The following ATP1A1 variants were observed in gnomAD, a reference collection of about 807,000 sequenced individuals.
The protein encoded by ATP1A1 is ATPase Na+/K+ transporting subunit alpha 1.
ATP1A1 carries 14 observed loss-of-function variants against 114.8 expected under a neutral mutation model. The ratio of observed to expected loss-of-function variants is 0.12; its 90% confidence interval spans 0.08 to 0.19. The LOEUF (loss-of-function observed/expected upper bound fraction) is 0.19. Ranked by LOEUF, ATP1A1 falls within the 10% of genes least tolerant of loss-of-function variation. ATP1A1 has a pLI of 1.00. For missense variants in ATP1A1, 524 were observed against 1,290.7 expected (o/e 0.41, Z 9.10); for synonymous variants, 471 against 466.3 (o/e 1.01, Z -0.13).
chr1:116,404,738 T>C lies in ATP1A1; in HGVS notation c.*294T>C. The stretch of plus-strand genomic sequence containing the variant: ...AGACTGAAAGAATACATTTTATATC[T>C]GGATTTTTACAAATAAAGATGGCTA... On this transcript the variant is annotated 3_prime_UTR_variant, in exon 23 of 23. Transcript: ENST00000295598. The surrounding 1 kb of genome is among the most constrained non-coding windows in gnomAD (Gnocchi z 4.8). 8.4e-7 allele frequency: 1 copy of C among 1,189,610 alleles called. No homozygotes were observed. Among genetic ancestry groups the C allele is most frequent in the Non-Finnish European group, 1.0e-6 (1 of 962,796 alleles). 73.7% of individuals were successfully genotyped at this position (1,189,610 alleles called of 1,614,324 possible). A position where few individuals can be genotyped will look rare whatever the true frequency, so the allele number is the denominator to read the frequency against.
chr1:116,384,963 G>T lies in ATP1A1; in HGVS notation c.183+121G>T, dbSNP rs529726344. On this transcript the variant is annotated intron_variant, in intron 3 of 22. Transcript: ENST00000295598. The surrounding 1 kb of genome is among the most constrained non-coding windows in gnomAD (Gnocchi z 5.1). ...TAAGAAAATGACAGACACCATCTGC[G>T]TATCTACCATGTGACATGCACAGAA... is the stretch of plus-strand genomic sequence containing the variant. 176 of 929,870 alleles carry T rather than the reference G, an allele frequency of 1.9e-4. 1 individual carries two copies. Among genetic ancestry groups the T allele is most frequent in the East Asian group, 2.8e-4 (11 of 38,898 alleles). The allele number at this position is 929,870 out of a possible 1,614,324, so 57.6% of individuals were successfully genotyped here.
chr1:116,384,729 CA>C lies in ATP1A1; in HGVS notation c.124-53del, dbSNP rs1338851682. 9.6e-6 allele frequency: 14 copies of C among 1,463,186 alleles called. No homozygotes were observed. The African/African-American group carries it at 1.6e-4, about 17-fold the overall frequency. The allele number at this position is 1,463,186 out of a possible 1,614,324, so 90.6% of individuals were successfully genotyped here. On this transcript the variant is annotated intron_variant, in intron 2 of 22. Coordinates refer to ENST00000295598, the MANE Select transcript of ATP1A1 (RefSeq NM_000701.8). This position sits in a 1 kb window ranked among gnomAD's most constrained non-coding sequence, Gnocchi z 5.1. ...TAATGAATAATGCTATTTTTTCTGT[CA>C]TTTTTTTATACTACACTGTTTAACT...
intron 1 of ATP1A1, among the ~76,000 whole-genome samples, chr1:116,376,433 C>T (rs1377470498): frequency 6.6e-6 from 1 of 152,184 alleles, no homozygotes; most frequent in Non-Finnish European, 1.5e-5. Flanking sequence ...GCAGATGCCT[C>T]AGAGTGGAAA....
Position 116,393,761 on chromosome 1 carries a change from T to C in ATP1A1, c.1660+38T>C, listed in dbSNP as rs562898359. The C allele has an allele frequency of 3.7e-4, 587 of 1,585,558 alleles. No homozygotes were observed. The highest frequency in any genetic ancestry group is 4.8e-4 in the Non-Finnish European group (562 of 1,164,002). The stretch of plus-strand genomic sequence containing the variant: ...CCTGGTAACAGAGTGCCTGGGCACG[T>C]TTTTATCCAGTAACCTAGTCTGGTA... On this transcript the variant is annotated intron_variant, in intron 12 of 22. Coordinates refer to ENST00000295598, the MANE Select transcript of ATP1A1 (RefSeq NM_000701.8). The surrounding 1 kb of genome is among the most constrained non-coding windows in gnomAD (Gnocchi z 5.0).
intron 1 of ATP1A1, among the ~76,000 whole-genome samples, chr1:116,374,810 G>T (rs1651252542): frequency 6.6e-6 from 1 of 152,230 alleles, no homozygotes; most frequent in Admixed American, 6.5e-5. Flanking sequence ...AGGCTTCTGG[G>T]TGTAGACAGA....
Position 116,385,141 on chromosome 1 carries a change from TTGA to T in ATP1A1, c.183+304_183+306del. On this transcript the variant is annotated intron_variant, in intron 3 of 22. Coordinates refer to ENST00000295598, the MANE Select transcript of ATP1A1 (RefSeq NM_000701.8). The surrounding 1 kb of genome is among the most constrained non-coding windows in gnomAD (Gnocchi z 4.3). ...AAAGCCATGCTTATGCCTTGACCTTTTGATGATAAATTTTCCCTTTATTTTTCT... is the reference window on the plus strand; with the variant it reads ...AAAGCCATGCTTATGCCTTGACCTTTTGATAAATTTTCCCTTTATTTTTCT... 2 of 336,038 alleles carry T rather than the reference TTGA, an allele frequency of 6.0e-6. No individual in the cohort carries two copies. The highest frequency in any genetic ancestry group is 6.8e-5 in the South Asian group (2 of 29,472). The allele number at this position is 336,038 out of a possible 1,614,324, so 20.8% of individuals were successfully genotyped here.
rs754768165 is a variant in ATP1A1 at position 116,389,039 on chromosome 1, T to G, written c.754+20T>G. The G allele has an allele frequency of 1.9e-6, 3 of 1,593,308 alleles. No individual in the cohort carries two copies. On this transcript the variant is annotated intron_variant, in intron 7 of 22. Transcript: ENST00000295598. The surrounding 1 kb of genome is among the most constrained non-coding windows in gnomAD (Gnocchi z 6.9). ...TTGAAGGTAGGCCATTTTTGGGCAC[T>G]TTGAGCATGGCGTGGTATTTCTCTT...
In ATP1A1 at chr1:116,399,458, T is replaced by C. The variant is rs766077481; in HGVS notation, c.2487T>C (p.Ser829=). 12 of 1,613,920 alleles carry C rather than the reference T, an allele frequency of 7.4e-6. No individual in the cohort carries two copies. The highest frequency in any genetic ancestry group is 8.5e-6 in the Non-Finnish European group (10 of 1,179,974). The change falls in exon 18 of 23, where the codon AGT becomes AGC. Residue 829 remains serine, a synonymous_variant. Transcript: ENST00000295598. The surrounding 1 kb of genome is among the most constrained non-coding windows in gnomAD (Gnocchi z 5.0). ...AISLAYEQAE[S]DIMKRQPRNP... ...CCCTGGCTTATGAGCAGGCTGAGAG[T>C]GACATCATGAAGAGACAGCCCAGAA...
chr1:116,384,564 CACTCAGCTTTAGCCA>C lies in ATP1A1; in HGVS notation c.124-218_124-204del, dbSNP rs1299491971. Among the ~76,000 whole-genome samples, 2 of 152,166 alleles carry C rather than the reference CACTCAGCTTTAGCCA, an allele frequency of 1.3e-5. No individual in the cohort carries two copies. The highest frequency in any genetic ancestry group is 2.9e-5 in the Non-Finnish European group (2 of 68,038). Reference sequence around the variant, plus strand: ...ATGGCAAATAGTAATGGGCCACGGTCACTCAGCTTTAGCCATTCTCCAGTGAAGAGCTGTCAATGA... The same window carrying C: ...ATGGCAAATAGTAATGGGCCACGGTCTTCTCCAGTGAAGAGCTGTCAATGA... On this transcript the variant is annotated intron_variant, in intron 2 of 22. Transcript: ENST00000295598. This position sits in a 1 kb window ranked among gnomAD's most constrained non-coding sequence, Gnocchi z 5.1.
chr1:116,378,219 A>T (rs1399441327), intron 1 of ATP1A1, among the ~76,000 whole-genome samples: 1 of 152,194 alleles, frequency 6.6e-6, no homozygotes, highest in African/African-American at 2.4e-5. Context: ...TTTTATTTGC[A>T]TCCTGAGCAA....
In ATP1A1 at chr1:116,395,608, T is replaced by G. The variant is rs1652839724; in HGVS notation, c.1836+323T>G. 6.6e-6 allele frequency among the ~76,000 whole-genome samples: 1 copy of G among 152,240 alleles called. No individual in the cohort carries two copies. Among genetic ancestry groups the G allele is most frequent in the Non-Finnish European group, 1.5e-5 (1 of 68,040 alleles). Reference sequence around the variant, plus strand: ...TGTACCTTATGCAATGAATGGCATATCTTCTGTGTTTTCAGTTAACTGTTT... The same window carrying G: ...TGTACCTTATGCAATGAATGGCATAGCTTCTGTGTTTTCAGTTAACTGTTT... On this transcript the variant is annotated intron_variant, in intron 13 of 22. Transcript: ENST00000295598. This position sits in a 1 kb window ranked among gnomAD's most constrained non-coding sequence, Gnocchi z 6.4.
intron 8 of ATP1A1, 36 bp from the exon 9 acceptor site, chr1:116,390,177 G>T: frequency 6.3e-7 from 1 of 1,594,054 alleles, no homozygotes; most frequent in Non-Finnish European, 8.6e-7. Context: ...TTCCAGCCTG[G>T]TTGAGTGAAG....
chr1:116,385,067 A>C lies in ATP1A1; in HGVS notation c.183+225A>C. ...TGTTATTTTCTTTTCCCTATTTTAT[A>C]GCAGTTGAGAGCCAGTAAGTGGGAA... On this transcript the variant is annotated intron_variant, in intron 3 of 22. Transcript: ENST00000295598. The surrounding 1 kb of genome is among the most constrained non-coding windows in gnomAD (Gnocchi z 4.3). The C allele has an allele frequency of 2.0e-6, 1 of 490,104 alleles. No homozygotes were observed. The highest frequency in any genetic ancestry group is 3.6e-6 in the Non-Finnish European group (1 of 277,718). The allele number at this position is 490,104 out of a possible 1,614,324, so 30.4% of individuals were successfully genotyped here.
chr1:116,374,734 G>T, intron 1 of ATP1A1, among the ~76,000 whole-genome samples: 1 of 152,226 alleles, frequency 6.6e-6, no homozygotes, highest in East Asian at 1.9e-4. Context: ...AAATGGGAGA[G>T]AATCCACTTC....
rs1652161897 is a variant in ATP1A1, at chr1:116,387,238, C to T, written c.184-50C>T. 1 of 1,605,640 alleles carries T rather than the reference C, an allele frequency of 6.2e-7. No homozygotes were observed. The highest frequency in any genetic ancestry group is 1.7e-5 in the Admixed American group (1 of 59,688). Reference sequence around the variant, plus strand: ...TCCAGCTACCAGGTAGGTATATTGCCTTGTAAGTGCTGGTACAGTTTGCCT... The same window carrying T: ...TCCAGCTACCAGGTAGGTATATTGCTTTGTAAGTGCTGGTACAGTTTGCCT... On this transcript the variant is annotated intron_variant, in intron 3 of 22. Coordinates refer to ENST00000295598, the MANE Select transcript of ATP1A1 (RefSeq NM_000701.8). The surrounding 1 kb of genome is among the most constrained non-coding windows in gnomAD (Gnocchi z 6.7).
rs960332440 is a variant in ATP1A1, at chr1:116,384,746, C to T, written c.124-37C>T. ...TTTTCTGTCATTTTTTTATACTACACTGTTTAACTATTTTCTTTGTTTCTG... is the reference window on the plus strand; with the variant it reads ...TTTTCTGTCATTTTTTTATACTACATTGTTTAACTATTTTCTTTGTTTCTG... On this transcript the variant is annotated intron_variant, in intron 2 of 22. Transcript: ENST00000295598. This position sits in a 1 kb window ranked among gnomAD's most constrained non-coding sequence, Gnocchi z 5.1. The T allele has an allele frequency of 3.3e-6, 5 of 1,537,668 alleles. No homozygotes were observed. In the African/African-American group the frequency reaches 5.6e-5, roughly 17 times the overall value.
chr1:116,389,069 A>G lies in ATP1A1; in HGVS notation c.754+50A>G. 6.7e-7 allele frequency: 1 copy of G among 1,501,402 alleles called. No homozygotes were observed. The highest frequency in any genetic ancestry group is 9.2e-7 in the Non-Finnish European group (1 of 1,082,722). 93.0% of individuals were successfully genotyped at this position (1,501,402 alleles called of 1,614,324 possible). On this transcript the variant is annotated intron_variant, in intron 7 of 22. Transcript: ENST00000295598. The surrounding 1 kb of genome is among the most constrained non-coding windows in gnomAD (Gnocchi z 6.9). Reference sequence around the variant, plus strand: ...GCATGGCGTGGTATTTCTCTTGGGCATTAACAAAATCAAAACCATAGGCAC... The same window carrying G: ...GCATGGCGTGGTATTTCTCTTGGGCGTTAACAAAATCAAAACCATAGGCAC...
Position 116,403,938 on chromosome 1 carries a change from C to T in ATP1A1, c.3006C>T (p.Asp1002=), listed in dbSNP as rs146071470. 2.4e-4 allele frequency: 384 copies of T among 1,614,186 alleles called. 1 individual carries two copies. The African/African-American group carries it at 4.0e-3, about 17-fold the overall frequency. The change falls in exon 22 of 23, where the codon GAC becomes GAT. Residue 1002 remains aspartate, a synonymous_variant. Transcript: ENST00000295598. ...FPYSLLIFVY[D]EVRKLIIRRR... is the part of the protein sequence containing the mutation. The stretch of plus-strand genomic sequence containing the variant: ...ACTCTCTTCTCATCTTCGTATATGA[C>T]GAAGTCAGAAAACTCATCATCAGGC...
intron 1 of ATP1A1, chr1:116,382,527 A>C (rs1221860195): frequency 2.0e-5 from 3 of 152,254 alleles, no homozygotes; most frequent in Non-Finnish European, 4.4e-5. Context: ...GAAACTAAAG[A>C]ACCCACCCAG....
Sources: allele counts gnomAD v4.1 joint callset (sites outside exome capture counted in the v4.1 genomes callset), GRCh38; gene constraint gnomAD v4.1.1; non-coding constraint Gnocchi (gnomAD v3.1); transcripts MANE v1.5; gene names NCBI Gene and HGNC (gene_info 2026-07-23, HGNC 2026-07-21).